SPATA6L: variants seen among roughly 807,000 people sequenced by gnomAD.
The protein encoded by SPATA6L is spermatogenesis associated 6 like.
SPATA6L carries 68 observed loss-of-function variants against 49.2 expected under a neutral mutation model. That is an observed-to-expected ratio of 1.38 (90% CI 1.14 to 1.69). The LOEUF (loss-of-function observed/expected upper bound fraction) is 1.69, where lower values mean the gene tolerates loss of function less well. Ranked by LOEUF, SPATA6L falls within the 40% of genes most tolerant of loss-of-function variation. The pLI, the probability that SPATA6L is intolerant of heterozygous loss-of-function variation, is 0.00. For missense variants in SPATA6L, 668 were observed against 464.3 expected (o/e 1.44, Z -4.03); for synonymous variants, 198 against 165.7 (o/e 1.19, Z -1.50).
intron 5 of SPATA6L, chr9:4,626,624 T>G (rs1830403985): frequency 2.5e-5 from 29 of 1,183,252 alleles, no homozygotes; most frequent in Non-Finnish European, 3.2e-5. Context: ...TTTCAGTCTT[T>G]CTTTCAACCC....
intron 9 of SPATA6L, among the ~76,000 whole-genome samples, chr9:4,606,641 T>C (rs1299860830): frequency 7.0e-5 from 4 of 57,008 alleles, no homozygotes; most frequent in South Asian, 1.2e-3. Context: ...AAAACCCATC[T>C]GTACATCACC....
At chr9:4,633,443 T>A (rs901670763) in intron 4 of SPATA6L, 1 of 154,966 alleles carries the variant, frequency 6.5e-6, no homozygotes, top group Non-Finnish European at 1.5e-5. Context: ...CCAAAAGACC[T>A]AGCAGAATCT....
downstream of SPATA6L, among the ~76,000 whole-genome samples, chr9:4,597,341 C>T (rs978939167): frequency 4.1e-5 from 6 of 147,120 alleles, no homozygotes; most frequent in Non-Finnish European, 8.9e-5. Flanking sequence ...CACACACACA[C>T]ACACACACAC....
At chr9:4,597,287 A>AT (rs1286055168), downstream of SPATA6L, among the ~76,000 whole-genome samples, 1 of 150,742 alleles carries the variant, frequency 6.6e-6, no homozygotes, top group African/African-American at 2.4e-5. Context: ...CTCCTTCTCT[A>AT]TTTTTTATAT....
chr9:4,660,190 T>C (rs1839279138), intron 2 of SPATA6L, among the ~76,000 whole-genome samples: 2 of 152,156 alleles, frequency 1.3e-5, no homozygotes, highest in African/African-American at 4.8e-5. Flanking sequence ...GGGATCTAAT[T>C]AAACTAAAGA....
At chr9:4,596,130 T>C (rs1263030047), downstream of SPATA6L, among the ~76,000 whole-genome samples, 1 of 152,166 alleles carries the variant, frequency 6.6e-6, no homozygotes, top group Non-Finnish European at 1.5e-5. Context: ...AAATATCTCG[T>C]TTAAGGTCTC....
rs575392630 is a variant in SPATA6L at position 4,614,466 on chromosome 9, C to A, written c.995+3457G>T. On this transcript the variant is annotated intron_variant, in intron 9 of 11. Coordinates refer to ENST00000682582, the MANE Select transcript of SPATA6L (RefSeq NM_001353486.2). ...TGATATTGCTGGTATGAAAAGAACACTGAGTGAGTGGAGACACAGTGCTGA... is the reference window on the plus strand; with the variant it reads ...TGATATTGCTGGTATGAAAAGAACAATGAGTGAGTGGAGACACAGTGCTGA... Among the ~76,000 whole-genome samples, 6 of 152,282 alleles carry A rather than the reference C, an allele frequency of 3.9e-5. No individual in the cohort carries two copies. The South Asian group carries it at 8.3e-4, about 21-fold the overall frequency.
At chr9:4,605,172 C>G (rs926850368) in intron 10 of SPATA6L, among the ~76,000 whole-genome samples, 175 bp downstream of exon 10, 2 of 152,190 alleles carry the variant, frequency 1.3e-5, no homozygotes, top group African/African-American at 4.8e-5. Context: ...CCAGCCATGT[C>G]AAATACCCGC....
At chr9:4,620,244 C>G (rs1197262607) in intron 7 of SPATA6L, among the ~76,000 whole-genome samples, 1 of 152,082 alleles carries the variant, frequency 6.6e-6, no homozygotes, top group African/African-American at 2.4e-5. Context: ...GGATTCATAA[C>G]ATGTGGTCTC....
intron 1 of SPATA6L, 21 bp downstream of exon 1, chr9:4,666,191 G>T: frequency 6.2e-7 from 1 of 1,613,690 alleles, no homozygotes; most frequent in Non-Finnish European, 8.5e-7. Flanking sequence ...GTTAAGGAGG[G>T]GGAGTTCATC....
chr9:4,614,781 T>A (rs1827576924), intron 9 of SPATA6L, among the ~76,000 whole-genome samples: 1 of 152,158 alleles, frequency 6.6e-6, no homozygotes, highest in African/African-American at 2.4e-5. Flanking sequence ...ATGGCCTTAT[T>A]TACAAACTCA....
At chr9:4,612,022 TC>T (rs1372599208) in intron 9 of SPATA6L, among the ~76,000 whole-genome samples, 2 of 150,776 alleles carry the variant, frequency 1.3e-5, no homozygotes, top group African/African-American at 2.5e-5. Flanking sequence ...TTTTTTTTTT[TC>T]CTTAAGAGAT....
chr9:4,637,564 A>G (rs1833055718), intron 3 of SPATA6L, among the ~76,000 whole-genome samples: 1 of 152,210 alleles, frequency 6.6e-6, no homozygotes, highest in African/African-American at 2.4e-5. Context: ...TTCAATCAAT[A>G]CAGGGCCCAG....
At chr9:4,627,715 G>T in intron 5 of SPATA6L, 1 of 1,287,416 alleles carries the variant, frequency 7.8e-7, no homozygotes, top group Non-Finnish European at 1.0e-6. Flanking sequence ...TAAAATTGAG[G>T]TAGTACACAT....
intron 1 of SPATA6L, among the ~76,000 whole-genome samples, chr9:4,666,004 A>T (rs1199764665): frequency 6.6e-6 from 1 of 152,174 alleles, no homozygotes; most frequent in Non-Finnish European, 1.5e-5. Flanking sequence ...AACAGAAAAA[A>T]AAAAAAGTGG....
Position 4,641,617 on chromosome 9 carries a change from G to A in SPATA6L, c.227-6218C>T, listed in dbSNP as rs144390562. Among the ~76,000 whole-genome samples, 206 of 152,196 alleles carry A rather than the reference G, an allele frequency of 1.4e-3. 1 individual carries two copies. The highest frequency in any genetic ancestry group is 4.6e-3 in the African/African-American group (191 of 41,516). On this transcript the variant is annotated intron_variant, in intron 3 of 11. Transcript: ENST00000682582. ...CCATCATAGGCCTAACTACATTTTC[G>A]AGTAATGGTTAGCCAAATTCATGGA...
chr9:4,603,152 C>A (rs1422043340), intron 11 of SPATA6L, among the ~76,000 whole-genome samples: 1 of 152,212 alleles, frequency 6.6e-6, no homozygotes, highest in Non-Finnish European at 1.5e-5. Context: ...TTTACTGCGA[C>A]CGGGCACGGT....
chr9:4,591,317 G>A (rs1425156146), intron 13 of SPATA6L, among the ~76,000 whole-genome samples: 1 of 152,110 alleles, frequency 6.6e-6, no homozygotes, highest in Admixed American at 6.5e-5. Flanking sequence ...AAGGTTATTA[G>A]CTTAGCTTGG....
In SPATA6L at chr9:4,627,759, C is replaced by T. The variant is rs56788743; in HGVS notation, c.429+1332G>A. 2.4e-3 allele frequency: 3,043 copies of T among 1,289,266 alleles called. 55 individuals are homozygous for T. In the African/African-American group the frequency reaches 0.042, roughly 18 times the overall value. 79.9% of individuals were successfully genotyped at this position (1,289,266 alleles called of 1,614,324 possible). A position where few individuals can be genotyped will look rare whatever the true frequency, so the allele number is the denominator to read the frequency against. ...TAAGACGCTTCACGCTTACCAAAGA[C>T]GGACCATGAATACAATCCGAGCATC... On this transcript the variant is annotated intron_variant, in intron 5 of 11. Transcript: ENST00000682582.
Sources: allele counts gnomAD v4.1 joint callset (sites outside exome capture counted in the v4.1 genomes callset), GRCh38; gene constraint gnomAD v4.1.1; transcripts MANE v1.5; gene names NCBI Gene and HGNC (gene_info 2026-07-23, HGNC 2026-07-21).